The following RYR3 variants were observed in gnomAD, a reference collection of about 807,000 sequenced individuals.
RYR3 encodes ryanodine receptor 3, also known as brain ryanodine receptor-calcium release channel.
Under a neutral mutation model 584.3 loss-of-function variants are expected in RYR3, and 207 were observed. The observed-to-expected ratio is 0.35, with a 90% confidence interval of 0.32 to 0.40. The LOEUF (loss-of-function observed/expected upper bound fraction) is 0.40, where lower values mean the gene tolerates loss of function less well. Among genes scored for constraint, RYR3 ranks in the 10% least tolerant of loss-of-function variants. RYR3 has a pLI of 1.00. For synonymous variants in RYR3, 2,416 were observed against 2,248.5 expected, an observed-to-expected ratio of 1.07 and a Z score of -2.11; for missense variants, 5,616 against 6,089.2, an observed-to-expected ratio of 0.92 and a Z score of 2.59.
At chr15:33,764,138 T>G (rs1009755858) in intron 60 of RYR3, among the ~76,000 whole-genome samples, 1 of 152,118 alleles carries the variant, frequency 6.6e-6, no homozygotes, top group African/African-American at 2.4e-5. Context: ...GTACGTTTAT[T>G]GCAGCACTGT....
At chr15:33,854,938 G>C (rs372124683) in intron 98 of RYR3, 26 bp downstream of exon 98, 2 of 1,593,576 alleles carry the variant, frequency 1.3e-6, no homozygotes, top group Non-Finnish European at 1.7e-6. Flanking sequence ...ATGCAGAACA[G>C]AATGGACCTG....
intron 86 of RYR3, 141 bp downstream of exon 86, chr15:33,831,232 A>G (rs1283987012): frequency 4.2e-6 from 3 of 715,002 alleles, no homozygotes. Flanking sequence ...TTTTCTCTAA[A>G]TAGGAAGCAA....
chr15:33,765,158 C>T (rs1215828549), intron 60 of RYR3, among the ~76,000 whole-genome samples: 1 of 151,910 alleles, frequency 6.6e-6, no homozygotes, highest in Non-Finnish European at 1.5e-5. Flanking sequence ...AAGCACCAGG[C>T]TTCCTACTCA....
At chr15:33,818,425 A>G (rs1379980633) in intron 75 of RYR3, among the ~76,000 whole-genome samples, 153 bp from the exon 76 acceptor site, 1 of 152,206 alleles carries the variant, frequency 6.6e-6, no homozygotes, top group Non-Finnish European at 1.5e-5. Context: ...TAGGGCTTCT[A>G]TCCTGAAATA....
intron 45 of RYR3, among the ~76,000 whole-genome samples, chr15:33,724,853 A>G (rs10519864): frequency 0.74 from 112,541 of 151,780 alleles, 42,250 homozygotes; most frequent in East Asian, 0.96. Context: ...AATTCCTACT[A>G]TGATAAAGGA....
intron 94 of RYR3, 79 bp downstream of exon 94, chr15:33,848,500 AAAACTGGTTAATAT>A: frequency 6.8e-7 from 1 of 1,479,100 alleles, no homozygotes. Flanking sequence ...TCCTGGCCTT[AAAACTGGTTAATAT>A]AAACTGTCTT....
At position 33,813,469 on chromosome 15, in the gene RYR3, G is replaced by T; in HGVS notation, c.10392G>T (p.Val3464=). 3.1e-6 allele frequency: 5 copies of T among 1,613,278 alleles called. No homozygotes were observed. Among genetic ancestry groups the T allele is most frequent in the Non-Finnish European group, 4.2e-6 (5 of 1,179,540 alleles). The part of the protein sequence containing the change: ...ISAAVFHLEQ[V]EQPLRSKKAV... ...CAACCGATGTGATCTCTTCTCAGGT[G>T]GAACAGCCTTTGAGGTCCAAGAAGG... The change falls in exon 74 of 104, where the codon GTG becomes GTT. Residue 3464 remains valine, a splice_region_variant and synonymous_variant. Coordinates refer to ENST00000634891, the MANE Select transcript of RYR3 (RefSeq NM_001036.6).
chr15:33,854,653 A>G, intron 97 of RYR3, 113 bp from the exon 98 acceptor site: 1 of 1,375,668 alleles, frequency 7.3e-7, no homozygotes, highest in South Asian at 1.4e-5. Flanking sequence ...ACAGCACCTC[A>G]GCACCTAAAC....
At chr15:33,668,242 G>A (rs1385765782) in intron 36 of RYR3, among the ~76,000 whole-genome samples, 1 of 151,392 alleles carries the variant, frequency 6.6e-6, no homozygotes, top group Non-Finnish European at 1.5e-5. Flanking sequence ...GCGTGAACCC[G>A]GGAGGCGGAG....
chr15:33,359,868 G>A (rs1046716520), intron 1 of RYR3, among the ~76,000 whole-genome samples: 3 of 151,770 alleles, frequency 2.0e-5, no homozygotes, highest in East Asian at 3.9e-4. Flanking sequence ...TGATCCGTCC[G>A]CCTCGGTCTC....
chr15:33,353,592 A>ATGGTTTACCACT (rs1973566194), intron 1 of RYR3, among the ~76,000 whole-genome samples: 1 of 152,218 alleles, frequency 6.6e-6, no homozygotes, highest in African/African-American at 2.4e-5. Context: ...CCCACATCCT[A>ATGGTTTACCACT]GAAACCCCAT....
At chr15:33,386,573 G>A (rs981154065) in intron 1 of RYR3, among the ~76,000 whole-genome samples, 10 of 152,148 alleles carry the variant, frequency 6.6e-5, no homozygotes, top group African/African-American at 2.4e-4. Context: ...ACCATTTTCA[G>A]GTGTACAGTT....
intron 19 of RYR3, 60 bp downstream of exon 19, chr15:33,613,435 G>C: frequency 2.0e-6 from 3 of 1,499,196 alleles, no homozygotes; most frequent in Non-Finnish European, 9.0e-7. Flanking sequence ...CGCCACCACT[G>C]TGAGCTGCGA....
At chr15:33,773,730 C>A in intron 64 of RYR3, 115 bp downstream of exon 64, 1 of 728,726 alleles carries the variant, frequency 1.4e-6, no homozygotes, top group Non-Finnish European at 2.4e-6. Context: ...CTCACTGATA[C>A]AGAATGGTGG....
At chr15:33,569,530 CA>C (rs1418827110) in intron 12 of RYR3, among the ~76,000 whole-genome samples, 1 of 152,146 alleles carries the variant, frequency 6.6e-6, no homozygotes, top group Non-Finnish European at 1.5e-5. Flanking sequence ...TCTCACTTAG[CA>C]AAATATCTTC....
Position 33,739,481 on chromosome 15 carries a change from C to A in RYR3, c.7657-351C>A, listed in dbSNP as rs547570492. Among the ~76,000 whole-genome samples the A allele has an allele frequency of 2.4e-3, 358 of 151,068 alleles. 4 individuals are homozygous for A. Among genetic ancestry groups the A allele is most frequent in the Middle Eastern group, 3.4e-3 (1 of 292 alleles). ...CTCCAGTTATAAGTTGGGTCCGTTT[C>A]TGTGACCATCCTTAGCAGACAAGTT... On this transcript the variant is annotated intron_variant, in intron 50 of 103. Transcript: ENST00000634891.
At position 33,596,804 on chromosome 15, in the gene RYR3, C is replaced by T. The variant is rs1415292694; in HGVS notation, c.1789-4615C>T. Among the ~76,000 whole-genome samples, 4 of 151,726 alleles carry T rather than the reference C, an allele frequency of 2.6e-5. No homozygotes were observed. In the East Asian group the frequency reaches 5.8e-4, roughly 22 times the overall value. On this transcript the variant is annotated intron_variant, in intron 16 of 103. Coordinates refer to ENST00000634891, the MANE Select transcript of RYR3 (RefSeq NM_001036.6). ...ATCTCTTTGCTATAGAACACTAGAA[C>T]TTATTCCTCCCATCTAGCTGTAATT...
chr15:33,679,192 G>C (rs1049811367), intron 38 of RYR3, among the ~76,000 whole-genome samples: 8 of 111,654 alleles, frequency 7.2e-5, no homozygotes, highest in African/African-American at 2.1e-4. Context: ...ACTAAATCTA[G>C]AGGGTGTTAT....
intron 69 of RYR3, among the ~76,000 whole-genome samples, chr15:33,803,079 C>A (rs2075999997): frequency 6.6e-6 from 1 of 152,232 alleles, no homozygotes; most frequent in African/African-American, 2.4e-5. Context: ...TAGCTCTAGT[C>A]AGCTGCGATC....
Sources: allele counts gnomAD v4.1 joint callset (sites outside exome capture counted in the v4.1 genomes callset), GRCh38; gene constraint gnomAD v4.1.1; transcripts MANE v1.5; gene names NCBI Gene and HGNC (gene_info 2026-07-23, HGNC 2026-07-21).